The following NAALADL2 variants were observed in gnomAD, a reference collection of about 807,000 sequenced individuals.
The protein encoded by NAALADL2 is inactive N-acetylated-alpha-linked acidic dipeptidase-like protein 2.
NAALADL2 carries 76 observed loss-of-function variants against 87.2 expected under a neutral mutation model. That is an observed-to-expected ratio of 0.87 (90% confidence interval 0.72 to 1.05). The LOEUF is 1.05. Ranked by LOEUF, NAALADL2 falls within the 50% of genes least tolerant of loss-of-function variation. NAALADL2 has a pLI of 0.00. For synonymous variants in NAALADL2, 354 were observed against 331.0 expected, an observed-to-expected ratio of 1.07 and a Z score of -0.75; for missense variants, 1,089 against 945.8, an observed-to-expected ratio of 1.15 and a Z score of -1.99.
intron 11 of NAALADL2, among the ~76,000 whole-genome samples, chr3:175,693,604 CTT>C (rs201181912): frequency 0.012 from 1,815 of 152,150 alleles, 20 homozygotes; most frequent in Non-Finnish European, 0.016. Context: ...AGACTTGACT[CTT>C]ATCATAGGTA....
At chr3:175,027,222 A>G (rs137935834) in intron 1 of NAALADL2, among the ~76,000 whole-genome samples, 2,032 of 152,268 alleles carry the variant, frequency 0.013, 29 homozygotes, top group Non-Finnish European at 0.018. Context: ...TAGCAGGTGC[A>G]GATATATCTA....
intron 1 of NAALADL2, among the ~76,000 whole-genome samples, chr3:175,092,567 CT>C (rs1441593085): frequency 6.6e-6 from 1 of 151,864 alleles, no homozygotes; most frequent in Non-Finnish European, 1.5e-5. Context: ...TATTTCCATA[CT>C]TATCTTTATT....
At chr3:175,524,839 A>G (rs1252235087) in intron 9 of NAALADL2, among the ~76,000 whole-genome samples, 2 of 152,170 alleles carry the variant, frequency 1.3e-5, no homozygotes, top group African/African-American at 4.8e-5. Context: ...AGTAAGATAG[A>G]TACATGTAGC....
intron 6 of NAALADL2, among the ~76,000 whole-genome samples, chr3:175,456,355 T>A (rs1722320287): frequency 6.6e-6 from 1 of 152,052 alleles, no homozygotes; most frequent in Non-Finnish European, 1.5e-5. Flanking sequence ...CATTTTTATA[T>A]CTTGAAATCT....
Position 175,096,948 on chromosome 3 carries a change from G to A in NAALADL2, c.202G>A (p.Gly68Ser), listed in dbSNP as rs9823911. 0.39 allele frequency: 632,262 copies of A among 1,612,292 alleles called. 125,609 individuals carry two copies. The highest frequency in any genetic ancestry group is 0.43 in the East Asian group (19,082 of 44,772). The part of the protein sequence containing the change: ...ESGFDQFQLD[G>S]AENQNLGHSE... ...TGGTTTTGACCAATTCCAGCTAGAC[G>A]GTGCTGAGAATCAGAACCTAGGGCA... The change falls in exon 2 of 14, where the codon GGT (glycine) becomes AGT (serine). Residue 68 changes from glycine to serine, a missense_variant. Coordinates refer to ENST00000454872, the MANE Select transcript of NAALADL2 (RefSeq NM_207015.3).
intron 2 of NAALADL2, among the ~76,000 whole-genome samples, chr3:174,722,086 T>G (rs1208735958): frequency 1.3e-5 from 2 of 152,258 alleles, no homozygotes; most frequent in Non-Finnish European, 2.9e-5. Flanking sequence ...TTACTCCTTC[T>G]TTAGTTATTT....
At position 174,549,666 on chromosome 3, in the gene NAALADL2, AC is replaced by A. The variant is rs548610526; in HGVS notation, c.-183-902del. On this transcript the variant is annotated intron_variant, in intron 1 of 3. Coordinates refer to the NAALADL2 transcript ENST00000434257. The stretch of plus-strand genomic sequence containing the variant: ...TTCAGTAATGATGTTTTAAAATGTT[AC>A]TTTTTGTGAAGTAAGGGAAAAGCAA... Among the ~76,000 whole-genome samples the A allele has an allele frequency of 5.8e-4, 88 of 152,300 alleles. 1 individual carries two copies. Among genetic ancestry groups the A allele is most frequent in the African/African-American group, 2.1e-3 (87 of 41,568 alleles).
intron 1 of NAALADL2, among the ~76,000 whole-genome samples, chr3:174,867,574 T>C: frequency 6.6e-6 from 1 of 152,186 alleles, no homozygotes; most frequent in African/African-American, 2.4e-5. Context: ...AGCTAACATA[T>C]ACTATGTTTT....
chr3:175,537,208 T>G (rs943376899), intron 9 of NAALADL2, among the ~76,000 whole-genome samples: 1 of 152,256 alleles, frequency 6.6e-6, no homozygotes, highest in Non-Finnish European at 1.5e-5. Context: ...TGTCTGATTC[T>G]AAATTCATGT....
intron 3 of NAALADL2, among the ~76,000 whole-genome samples, chr3:174,832,300 T>C (rs1722816704): frequency 1.3e-5 from 2 of 152,192 alleles, no homozygotes; most frequent in South Asian, 4.1e-4. Flanking sequence ...GAGATTCTGG[T>C]ATGTTTTGTC....
chr3:175,274,763 G>A (rs1259375045), intron 4 of NAALADL2, among the ~76,000 whole-genome samples: 1 of 152,138 alleles, frequency 6.6e-6, no homozygotes, highest in African/African-American at 2.4e-5. Context: ...TTGAAGGTGA[G>A]CTACCTCTTC....
At chr3:175,505,266 G>GA (rs11295985) in intron 9 of NAALADL2, among the ~76,000 whole-genome samples, 170 of 130,246 alleles carry the variant, frequency 1.3e-3, no homozygotes, top group Admixed American at 1.4e-3. Context: ...CCTGTCTCGA[G>GA]AAAAAAAAAA....
chr3:175,438,341 AT>A (rs1342737875), intron 5 of NAALADL2, among the ~76,000 whole-genome samples: 5 of 152,158 alleles, frequency 3.3e-5, no homozygotes, highest in African/African-American at 1.2e-4. Context: ...TGACTAACCA[AT>A]TTAGTGTACT....
chr3:174,902,349 G>A lies in NAALADL2; in HGVS notation c.43+42899G>A, dbSNP rs1579442657. 2.6e-5 allele frequency among the ~76,000 whole-genome samples: 4 copies of A among 152,174 alleles called. No homozygotes were observed. The South Asian group carries it at 8.3e-4, about 32-fold the overall frequency. On this transcript the variant is annotated intron_variant, in intron 1 of 13. Transcript: ENST00000454872. Reference sequence around the variant, plus strand: ...ATAGAACAGGTTAGAAATAATGTATGTAAAGTACCTATTATAGAACAGATT... The same window carrying A: ...ATAGAACAGGTTAGAAATAATGTATATAAAGTACCTATTATAGAACAGATT...
At chr3:174,912,191 T>C (rs933674184) in intron 1 of NAALADL2, among the ~76,000 whole-genome samples, 8 of 152,120 alleles carry the variant, frequency 5.3e-5, no homozygotes, top group Non-Finnish European at 7.3e-5. Flanking sequence ...CAGTGCAGAA[T>C]GCTGTCATTG....
intron 5 of NAALADL2, among the ~76,000 whole-genome samples, chr3:175,396,506 T>G (rs73186717): frequency 0.064 from 9,663 of 151,834 alleles, 406 homozygotes; most frequent in Non-Finnish European, 0.089. Flanking sequence ...AGTTATTAGA[T>G]CAAGTAGATT....
chr3:175,182,493 C>T (rs1343507330), intron 2 of NAALADL2, among the ~76,000 whole-genome samples: 1 of 150,188 alleles, frequency 6.7e-6, no homozygotes, highest in African/African-American at 2.4e-5. Context: ...GCTCAAGCAG[C>T]CCTTCCAACT....
intron 5 of NAALADL2, among the ~76,000 whole-genome samples, chr3:175,342,523 T>TGA (rs1383812578): frequency 1.3e-5 from 2 of 151,992 alleles, no homozygotes; most frequent in Non-Finnish European, 2.9e-5. Flanking sequence ...TGTGTGTGTG[T>TGA]GTGTGTGTGT....
At chr3:175,540,576 A>G (rs745918599) in intron 9 of NAALADL2, among the ~76,000 whole-genome samples, 1 of 152,114 alleles carries the variant, frequency 6.6e-6, no homozygotes, top group Non-Finnish European at 1.5e-5. Flanking sequence ...GGGTGAGGCT[A>G]TGAAGCTCTG....
Sources: allele counts gnomAD v4.1 joint callset (sites outside exome capture counted in the v4.1 genomes callset), GRCh38; gene constraint gnomAD v4.1.1; transcripts MANE v1.5; gene names NCBI Gene and HGNC (gene_info 2026-07-23, HGNC 2026-07-21).